Variants in SEMA6C observed in about 807,000 individuals in gnomAD.
The protein encoded by SEMA6C is semaphorin 6C, also known as semaphorin-6C.
In SEMA6C, 37 loss-of-function variants were observed where a neutral mutation model predicts 72.9. The ratio of observed to expected loss-of-function variants is 0.51; its 90% CI spans 0.39 to 0.67. SEMA6C has a LOEUF of 0.67. Among genes scored for constraint, SEMA6C ranks in the 30% least tolerant of loss-of-function variants. The pLI, the probability that SEMA6C is intolerant of heterozygous loss-of-function variation, is 0.00. For missense variants in SEMA6C, 1,189 were observed against 1,263.6 expected (o/e 0.94, Z 0.89); for synonymous variants, 578 against 554.1 (o/e 1.04, Z -0.61).
rs1308419707 is a variant in SEMA6C, at chr1:151,138,615, C to A, written c.456+15G>T. On this transcript the variant is annotated intron_variant, in intron 7 of 18. Coordinates refer to ENST00000368914, the MANE Select transcript of SEMA6C (RefSeq NM_030913.6). ...CCCCCAACTCCCATCCTAACCCCCA[C>A]CCTCTCTTTTGTACCCCATAGCTGC... The A allele has an allele frequency of 3.7e-6, 6 of 1,611,214 alleles. No individual in the cohort carries two copies. The highest frequency in any genetic ancestry group is 4.2e-6 in the Non-Finnish European group (5 of 1,177,272).
At position 151,136,896 on chromosome 1, in the gene SEMA6C, C is replaced by T. The variant is rs754066193; in HGVS notation, c.935G>A (p.Arg312His). Residue 312 changes from arginine to histidine, a missense_variant, in exon 11 of 19, where the codon CGC becomes CAC. Arg to His is a conservative substitution (Grantham distance 29). Transcript: ENST00000368914. ...ALTGPVNLHG[R>H]SALFGVFTTQ... ...GGTGAAGACCCCAAAGAGAGCAGAGCGGCCATGCAGGTTCACAGGCCCAGT... is the reference window on the plus strand; with the variant it reads ...GGTGAAGACCCCAAAGAGAGCAGAGTGGCCATGCAGGTTCACAGGCCCAGT... 8.1e-6 allele frequency: 13 copies of T among 1,613,924 alleles called. No homozygotes were observed. Among genetic ancestry groups the T allele is most frequent in the Middle Eastern group, 1.7e-4 (1 of 5,980 alleles).
chr1:151,134,690 A>C lies in SEMA6C; in HGVS notation c.1659-15T>G, dbSNP rs368165497. 2.5e-6 allele frequency: 4 copies of C among 1,613,948 alleles called. No individual in the cohort carries two copies. In the African/African-American group the frequency reaches 5.3e-5, roughly 22 times the overall value. Reference sequence around the variant, plus strand: ...CCACATCAGTCCTAGGAGGAAAACGAAGTGGCTATAGAATTCTGTACGTTG... The same window carrying C: ...CCACATCAGTCCTAGGAGGAAAACGCAGTGGCTATAGAATTCTGTACGTTG... On this transcript the variant is annotated splice_polypyrimidine_tract_variant and intron_variant, in intron 16 of 18. Transcript: ENST00000368914.
At position 151,136,564 on chromosome 1, in the gene SEMA6C, G is replaced by A. The variant is rs755089884; in HGVS notation, c.990C>T (p.Ala330=). Residue 330 remains alanine (A), a synonymous_variant, in exon 12 of 19, where the codon GCC becomes GCT. Transcript: ENST00000368914. ...TCTCATCCAGGTAGAAGGCGCAGAC[G>A]GCAGAGCCAGGGATGCTGGAGGAGC... ...TTQTNSIPGS[A]VCAFYLDEIE... The A allele has an allele frequency of 8.1e-6, 13 of 1,613,944 alleles. No homozygotes were observed. Among genetic ancestry groups the A allele is most frequent in the African/African-American group, 1.3e-5 (1 of 74,902 alleles).
rs1208880766 is a variant in SEMA6C at position 151,133,954 on chromosome 1, C to T, written c.1760-437G>A. ...CACTCCTATCTCTCCCAAGTAGCCC[C>T]CTTACCCCGAGTGTGAACTCCAAGA... On this transcript the variant is annotated intron_variant, in intron 18 of 18. Transcript: ENST00000368914. The surrounding 1 kb of genome is among the most constrained non-coding windows in gnomAD (Gnocchi z 5.9). 1 of 1,546,268 alleles carries T rather than the reference C, an allele frequency of 6.5e-7. No individual in the cohort carries two copies. Among genetic ancestry groups the T allele is most frequent in the Non-Finnish European group, 8.7e-7 (1 of 1,143,480 alleles).
chr1:151,142,660 C>T lies in SEMA6C; in HGVS notation c.-39G>A. The T allele has an allele frequency of 6.8e-7, 1 of 1,474,866 alleles. No homozygotes were observed. Among genetic ancestry groups the T allele is most frequent in the Non-Finnish European group, 9.0e-7 (1 of 1,114,336 alleles). The allele number at this position is 1,474,866 out of a possible 1,614,324, so 91.4% of individuals were successfully genotyped here. ...GCTCAGGCCCCAGGGGGTGCCCCCT[C>T]ACCCATAAGCCGGCCCTGAAAGGGG... is the stretch of plus-strand genomic sequence containing the variant. On this transcript the variant is annotated 5_prime_UTR_variant, in exon 3 of 19. Coordinates refer to ENST00000368914, the MANE Select transcript of SEMA6C (RefSeq NM_030913.6).
At position 151,137,726 on chromosome 1, in the gene SEMA6C, A is replaced by G. The variant is rs763196729; in HGVS notation, c.741T>C (p.Asp247=). ...ACCTCCTTACCCTCCCCAGCCGAGC[A>G]TCCTCCACAGAGACCTCGCGGAAGA... ...YFFFREVSVE[D]ARLGRVQFSR... Residue 247 remains aspartate, a synonymous_variant, in exon 10 of 19, where the codon GAT becomes GAC. Coordinates refer to ENST00000368914, the MANE Select transcript of SEMA6C (RefSeq NM_030913.6). The G allele has an allele frequency of 9.4e-5, 152 of 1,612,820 alleles. No individual in the cohort carries two copies. Among genetic ancestry groups the G allele is most frequent in the Non-Finnish European group, 1.2e-4 (147 of 1,179,086 alleles).
In SEMA6C at chr1:151,134,668, C is replaced by T. The variant is rs757601400; in HGVS notation, c.1666G>A (p.Val556Met). ...GATTCCTGGTTCCCAGCCTGATCCA[C>T]ATCAGTCCTAGGAGGAAAACGAAGT... ...VDIRGSGGTD[V>M]DQAGNQESME... The change falls in exon 17 of 19, where the codon GTG (valine) becomes ATG (methionine). Residue 556 changes from valine to methionine, a missense_variant. Val to Met is a conservative substitution (Grantham distance 21). Transcript: ENST00000368914. The T allele has an allele frequency of 1.2e-5, 19 of 1,614,058 alleles. No homozygotes were observed. Among genetic ancestry groups the T allele is most frequent in the Non-Finnish European group, 1.5e-5 (18 of 1,180,036 alleles).
intron 7 of SEMA6C, 25 bp from the exon 8 acceptor site, chr1:151,138,431 T>C: frequency 6.2e-7 from 1 of 1,603,466 alleles, no homozygotes; most frequent in Non-Finnish European, 8.5e-7. Flanking sequence ...AGCAGATGCC[T>C]GGAACCTTTA....
chr1:151,132,751 G>C lies in SEMA6C; in HGVS notation c.2526C>G (p.Pro842=). Residue 842 remains proline, a synonymous_variant, in exon 19 of 19, where the codon CCC becomes CCG. Coordinates refer to ENST00000368914, the MANE Select transcript of SEMA6C (RefSeq NM_030913.6). Reference sequence around the variant, plus strand: ...TCCGGCCTCCGCCGACGCCCAGCCGGGGAGCGGGGGCGGAGAGCGCGGGCC... The same window carrying C: ...TCCGGCCTCCGCCGACGCCCAGCCGCGGAGCGGGGGCGGAGAGCGCGGGCC... ...PARPALSAPA[P]RLGVGGGRRL... 6.9e-7 allele frequency: 1 copy of C among 1,445,864 alleles called. No individual in the cohort carries two copies. The highest frequency in any genetic ancestry group is 1.5e-5 in the African/African-American group (1 of 68,248). The allele number at this position is 1,445,864 out of a possible 1,614,324, so 89.6% of individuals were successfully genotyped here.
Position 151,138,388 on chromosome 1 carries a change from C to T in SEMA6C, c.475G>A (p.Glu159Lys). The T allele has an allele frequency of 1.2e-6, 2 of 1,613,830 alleles. No individual in the cohort carries two copies. Among genetic ancestry groups the T allele is most frequent in the Non-Finnish European group, 1.7e-6 (2 of 1,179,862 alleles). ...GCCTGCCCACTCAGTTCCTCACCCT[C>T]CTGCTGCAGCGAAGTTATCTGAGGG... ...RSYGITSLQQ[E>K]GEELSGQARC... The change falls in exon 8 of 19, where the codon GAG (glutamate) becomes AAG (lysine). Residue 159 changes from glutamate to lysine, a missense_variant. Transcript: ENST00000368914.
intron 12 of SEMA6C, 103 bp from the exon 13 acceptor site, chr1:151,136,266 C>T (rs1159174279): frequency 2.0e-6 from 3 of 1,517,970 alleles, no homozygotes; most frequent in South Asian, 1.2e-5. Context: ...AGCCTTGCTC[C>T]CCCTCCACAC....
Position 151,134,381 on chromosome 1 carries a change from G to A in SEMA6C, c.1759+20C>T, listed in dbSNP as rs1312339443. 3 of 1,573,434 alleles carry A rather than the reference G, an allele frequency of 1.9e-6. No individual in the cohort carries two copies. Among genetic ancestry groups the A allele is most frequent in the African/African-American group, 2.7e-5 (2 of 73,802 alleles). On this transcript the variant is annotated intron_variant, in intron 18 of 18. Transcript: ENST00000368914. Reference sequence around the variant, plus strand: ...TGTGGGCTGAGCAAGGGAAGGTGAGGTTGGGACAAGAGGACTCACCATAAG... The same window carrying A: ...TGTGGGCTGAGCAAGGGAAGGTGAGATTGGGACAAGAGGACTCACCATAAG...
intron 2 of SEMA6C, among the ~76,000 whole-genome samples, chr1:151,143,467 A>G (rs1682721326): frequency 6.6e-6 from 1 of 152,166 alleles, no homozygotes; most frequent in Admixed American, 6.5e-5. Flanking sequence ...CAGTGCATGT[A>G]CTTGAGGGGG....
chr1:151,132,364 T>C lies in SEMA6C; in HGVS notation c.*120A>G, dbSNP rs41267550. ...GGCGAAAAGGGGCCTCGGGAGACTC[T>C]GCGAGTCGGGAAGGCTGGAGGTGCG... On this transcript the variant is annotated 3_prime_UTR_variant, in exon 19 of 19. Transcript: ENST00000368914. The C allele has an allele frequency of 5.9e-6, 9 of 1,533,874 alleles. No individual in the cohort carries two copies. In the Admixed American group the frequency reaches 8.2e-5, roughly 14 times the overall value.
In SEMA6C at chr1:151,136,136, T is replaced by TC; in HGVS notation, c.1133dup (p.Ala379SerfsTer12). 1 of 1,613,484 alleles carries TC rather than the reference T, an allele frequency of 6.2e-7. No individual in the cohort carries two copies. The stretch of plus-strand genomic sequence containing the variant: ...CTCGGGAAGAGGAGAACAAGGCAGC[T>TC]CCCCCTACTCCTGCACAGGATCCTG... On this transcript the variant is annotated frameshift_variant, in exon 13 of 19. Transcript: ENST00000368914. LOFTEE classifies it high-confidence loss of function.
Position 151,146,630 on chromosome 1 carries a change from A to ATGCGACCGC in SEMA6C, c.-303_-302insGCGGTCGCA, listed in dbSNP as rs1217933588. The ATGCGACCGC allele has an allele frequency of 6.6e-5, 10 of 151,854 alleles. No homozygotes were observed. The highest frequency in any genetic ancestry group is 2.4e-4 in the African/African-American group (10 of 41,326). 9.4% of individuals were successfully genotyped at this position (151,854 alleles called of 1,614,324 possible). A position where few individuals can be genotyped will look rare whatever the true frequency, so the allele number is the denominator to read the frequency against. On this transcript the variant is annotated 5_prime_UTR_variant, in exon 1 of 19. Transcript: ENST00000368914. The surrounding 1 kb of genome is among the most constrained non-coding windows in gnomAD (Gnocchi z 4.6). ...AGCCGCGGATCCGCGGAGGAAAACA[A>ATGCGACCGC]TGCGACCGCCCGGGGCTCTGGGCTC...
chr1:151,134,685 A>C lies in SEMA6C; in HGVS notation c.1659-10T>G. On this transcript the variant is annotated splice_polypyrimidine_tract_variant and intron_variant, in intron 16 of 18. Coordinates refer to ENST00000368914, the MANE Select transcript of SEMA6C (RefSeq NM_030913.6). ...CTGATCCACATCAGTCCTAGGAGGA[A>C]AACGAAGTGGCTATAGAATTCTGTA... 6.2e-7 allele frequency: 1 copy of C among 1,614,068 alleles called. No homozygotes were observed. The highest frequency in any genetic ancestry group is 8.5e-7 in the Non-Finnish European group (1 of 1,180,002).
chr1:151,138,450 G>A, intron 7 of SEMA6C, 44 bp from the exon 8 acceptor site: 1 of 1,577,940 alleles, frequency 6.3e-7, no homozygotes, highest in Non-Finnish European at 8.7e-7. Flanking sequence ...TAGGGTCTTG[G>A]AGTCTGGCTC....
rs777848378 is a variant in SEMA6C, at chr1:151,142,463, T to C, written c.118+41A>G. ...CCACACAGGGGGTCTCAGTCTCTAA[T>C]TGTTCACAGAGATGGGGCAAGGTAG... On this transcript the variant is annotated intron_variant, in intron 3 of 18. Transcript: ENST00000368914. 1.4e-5 allele frequency: 23 copies of C among 1,611,578 alleles called. No homozygotes were observed. In the Admixed American group the frequency reaches 2.2e-4, roughly 15 times the overall value.
Sources: gnomAD v4.1 joint callset for allele counts (sites outside exome capture counted in the v4.1 genomes callset) on GRCh38, gnomAD v4.1.1 for gene constraint, Gnocchi (gnomAD v3.1) non-coding constraint, MANE v1.5 for transcripts, NCBI Gene and HGNC (gene_info 2026-07-23, HGNC 2026-07-21) for gene names.